PUM1: variants seen among roughly 807,000 people sequenced by gnomAD.
PUM1 encodes pumilio homolog 1.
A neutral mutation model predicts 131.8 loss-of-function variants in PUM1; 13 were observed. That is an observed-to-expected ratio of 0.10 (90% confidence interval 0.06 to 0.16). The LOEUF (loss-of-function observed/expected upper bound fraction) is 0.16. Among genes scored for constraint, PUM1 ranks in the 10% least tolerant of loss-of-function variants. PUM1 has a pLI of 1.00. For synonymous variants in PUM1, 509 were observed against 556.5 expected (o/e 0.91, Z 1.20); for missense variants, 961 against 1,512.4 (o/e 0.64, Z 6.05).
In PUM1 at chr1:30,933,176, TCAGCGGGAATGAGGGAA is replaced by T. The variant is rs1480230563; in HGVS notation, c.*18_*34del. ...TGGATTTGCCAGTGGGCCAGTGAGGTCAGCGGGAATGAGGGAACAGCGGGTGACACTGCCTCAGATGA... is the reference window on the plus strand; with the variant it reads ...TGGATTTGCCAGTGGGCCAGTGAGGTCAGCGGGTGACACTGCCTCAGATGA... On this transcript the variant is annotated 3_prime_UTR_variant, in exon 22 of 22. Transcript: ENST00000426105. 1 of 1,589,152 alleles carries T rather than the reference TCAGCGGGAATGAGGGAA, an allele frequency of 6.3e-7. No individual in the cohort carries two copies. The highest frequency in any genetic ancestry group is 8.6e-7 in the Non-Finnish European group (1 of 1,167,194).
intron 2 of PUM1, among the ~76,000 whole-genome samples, chr1:31,045,380 C>A (rs1643927333): frequency 6.6e-6 from 1 of 152,122 alleles, no homozygotes; most frequent in Non-Finnish European, 1.5e-5. Context: ...TCAGACGATC[C>A]ACCCACCTCA....
chr1:31,037,602 C>T (rs1643654425), intron 2 of PUM1, among the ~76,000 whole-genome samples: 1 of 151,986 alleles, frequency 6.6e-6, no homozygotes, highest in African/African-American at 2.4e-5. Flanking sequence ...CACCTGTATT[C>T]CCAGCTACTC....
chr1:30,943,047 C>T (rs1051075184), intron 18 of PUM1, among the ~76,000 whole-genome samples: 18 of 151,990 alleles, frequency 1.2e-4, no homozygotes, highest in Admixed American at 3.3e-4. Context: ...TGAGCCACTG[C>T]ACCTAGCCTT....
chr1:30,933,407 C>T (rs1171314980), intron 21 of PUM1, 65 bp from the exon 22 acceptor site: 1 of 1,442,956 alleles, frequency 6.9e-7, no homozygotes, highest in African/African-American at 1.4e-5. Flanking sequence ...GCTTCCCGGA[C>T]ATGCATTTGC....
intron 9 of PUM1, 151 bp from the exon 10 acceptor site, chr1:30,974,953 TA>T (rs1365833674): frequency 1.8e-6 from 1 of 557,632 alleles, no homozygotes; most frequent in African/African-American, 1.9e-5. Context: ...TAACTCTTTT[TA>T]AAGAATAGTA....
chr1:30,987,891 CAT>C (rs1641629286), intron 7 of PUM1, among the ~76,000 whole-genome samples: 1 of 152,214 alleles, frequency 6.6e-6, no homozygotes, highest in Admixed American at 6.5e-5. Flanking sequence ...ACAGAAATCA[CAT>C]ATACTTTCAT....
intron 19 of PUM1, 51 bp downstream of exon 19, chr1:30,941,947 C>T: frequency 2.0e-6 from 3 of 1,467,058 alleles, no homozygotes; most frequent in Non-Finnish European, 2.8e-6. Context: ...AAACTCTGGC[C>T]CTGCACAAGC....
At chr1:30,970,247 T>A (rs1052668680) in intron 10 of PUM1, among the ~76,000 whole-genome samples, 4 of 149,754 alleles carry the variant, frequency 2.7e-5, no homozygotes, top group Admixed American at 2.7e-4. Flanking sequence ...GTACCAGTGG[T>A]AAAAAAAAAA....
chr1:30,976,833 A>T (rs1341881038), intron 9 of PUM1, among the ~76,000 whole-genome samples: 5 of 143,024 alleles, frequency 3.5e-5, no homozygotes, highest in East Asian at 4.0e-4. Flanking sequence ...ATTCAAGTTT[A>T]AAAAAAAAAA....
rs1057167920 is a variant in PUM1, at chr1:31,006,773, CCT to C, written c.541+219_541+220del. Among the ~76,000 whole-genome samples the C allele has an allele frequency of 4.9e-4, 75 of 152,308 alleles. 1 individual carries two copies. Among genetic ancestry groups the C allele is most frequent in the African/African-American group, 1.7e-3 (71 of 41,558 alleles). Reference sequence around the variant, plus strand: ...TGGTCGTTTCAAATAAGACCATTCCCCTGTGGCTAGCACTTCAAAAAATATTG... The same window carrying C: ...TGGTCGTTTCAAATAAGACCATTCCCGTGGCTAGCACTTCAAAAAATATTG... On this transcript the variant is annotated intron_variant, in intron 4 of 21. Coordinates refer to ENST00000426105, the MANE Select transcript of PUM1 (RefSeq NM_001020658.2).
intron 2 of PUM1, among the ~76,000 whole-genome samples, chr1:31,057,016 C>T (rs1232069910): frequency 6.6e-6 from 1 of 152,276 alleles, no homozygotes; most frequent in East Asian, 1.9e-4. Flanking sequence ...TGGTCTCAAA[C>T]TCCTTACCTC....
At chr1:31,049,514 T>C (rs1292178548) in intron 2 of PUM1, among the ~76,000 whole-genome samples, 1 of 139,634 alleles carries the variant, frequency 7.2e-6, no homozygotes, top group Non-Finnish European at 1.5e-5. Context: ...AGATTCCGTC[T>C]CAAAAAAAAA....
intron 14 of PUM1, among the ~76,000 whole-genome samples, chr1:30,962,497 G>T (rs1025384790): frequency 6.6e-6 from 1 of 152,126 alleles, no homozygotes; most frequent in East Asian, 1.9e-4. Context: ...ACTGCAGCCT[G>T]TCTCCCAGGT....
At chr1:31,032,125 G>A (rs540383785) in intron 2 of PUM1, among the ~76,000 whole-genome samples, 68 of 152,254 alleles carry the variant, frequency 4.5e-4, no homozygotes, top group African/African-American at 1.3e-3. Context: ...AGTCACCCAC[G>A]TTGACTACAT....
chr1:31,032,908 C>T (rs1643481746), intron 2 of PUM1, among the ~76,000 whole-genome samples: 1 of 152,164 alleles, frequency 6.6e-6, no homozygotes, highest in Non-Finnish European at 1.5e-5. Flanking sequence ...GAGTTCAAGA[C>T]CAGCCTGGCC....
At chr1:30,942,861 C>T (rs1639513650) in intron 18 of PUM1, among the ~76,000 whole-genome samples, 1 of 152,184 alleles carries the variant, frequency 6.6e-6, no homozygotes, top group Admixed American at 6.5e-5. Flanking sequence ...AGGTCATCCT[C>T]CTGCCTCAGC....
chr1:31,014,983 G>A (rs1341946123), intron 3 of PUM1, among the ~76,000 whole-genome samples: 1 of 151,990 alleles, frequency 6.6e-6, no homozygotes, highest in African/African-American at 2.4e-5. Flanking sequence ...AAATAAGCAA[G>A]CAAACAAGTT....
intron 3 of PUM1, among the ~76,000 whole-genome samples, chr1:31,009,964 A>G (rs909250967): frequency 1.3e-5 from 2 of 152,150 alleles, no homozygotes; most frequent in African/African-American, 4.8e-5. Context: ...ATAGTATACC[A>G]GGCTGTCATA....
chr1:30,970,631 C>T (rs768226721), intron 10 of PUM1, among the ~76,000 whole-genome samples: 7 of 152,044 alleles, frequency 4.6e-5, no homozygotes, highest in African/African-American at 7.3e-5. Context: ...TTACCAAATA[C>T]TTAGAATTTA....
Sources: allele counts gnomAD v4.1 joint callset (sites outside exome capture counted in the v4.1 genomes callset), GRCh38; gene constraint gnomAD v4.1.1; transcripts MANE v1.5; gene names NCBI Gene and HGNC (gene_info 2026-07-23, HGNC 2026-07-21).